Variants in LARGE1 observed in about 807,000 individuals in gnomAD.
The protein encoded by LARGE1 is LARGE xylosyl- and glucuronyltransferase 1, also known as xylosyl- and glucuronyltransferase LARGE1.
LARGE1 carries 43 observed loss-of-function variants against 87.6 expected under a neutral mutation model. That is an observed-to-expected ratio of 0.49 (90% CI 0.38 to 0.63). LARGE1 has a LOEUF of 0.63. LARGE1 is among the 30% of genes least tolerant of loss of function. The pLI, the probability that LARGE1 is intolerant of heterozygous loss-of-function variation, is 0.00. For missense variants in LARGE1, 802 were observed against 1,000.2 expected (o/e 0.80, Z 2.67); for synonymous variants, 434 against 394.6 (o/e 1.10, Z -1.18).
At chr22:33,297,176 T>C (rs1294575740) in intron 12 of LARGE1, among the ~76,000 whole-genome samples, 1 of 152,138 alleles carries the variant, frequency 6.6e-6, no homozygotes, top group African/African-American at 2.4e-5. Flanking sequence ...CAAGTATTTA[T>C]AGAACAGCCA....
At chr22:33,296,569 CTTTT>C (rs66851772) in intron 12 of LARGE1, among the ~76,000 whole-genome samples, 1 of 133,928 alleles carries the variant, frequency 7.5e-6, no homozygotes. Flanking sequence ...TTTTTCTTTT[CTTTT>C]TTTTTTTTTT....
intron 2 of LARGE1, among the ~76,000 whole-genome samples, chr22:33,703,439 T>G (rs1291273829): frequency 6.6e-6 from 1 of 152,006 alleles, no homozygotes; most frequent in African/African-American, 2.4e-5. Flanking sequence ...GATTACCTCC[T>G]GATAATTCCT....
downstream of LARGE1, among the ~76,000 whole-genome samples, chr22:33,270,206 C>T (rs186979759): frequency 3.3e-5 from 5 of 152,018 alleles, no homozygotes; most frequent in Admixed American, 6.5e-5. Context: ...ATGGTATATC[C>T]GACATTAGAT....
intron 4 of LARGE1, among the ~76,000 whole-genome samples, chr22:33,618,944 T>C (rs949944814): frequency 3.3e-5 from 5 of 152,202 alleles, no homozygotes; most frequent in Non-Finnish European, 7.3e-5. Flanking sequence ...TTAACCTCTT[T>C]TGCATAGTCA....
chr22:33,901,234 G>T (rs1325666824), intron 1 of LARGE1, among the ~76,000 whole-genome samples: 1 of 152,142 alleles, frequency 6.6e-6, no homozygotes, highest in Non-Finnish European at 1.5e-5. Flanking sequence ...GAGAGCCACT[G>T]GAGAGGGAGT....
intron 5 of LARGE1, among the ~76,000 whole-genome samples, chr22:33,576,429 G>C (rs2078354032): frequency 6.6e-6 from 1 of 152,170 alleles, no homozygotes; most frequent in African/African-American, 2.4e-5. Context: ...GGTCACAGCT[G>C]TCAGGGTGGT....
intron 1 of LARGE1, among the ~76,000 whole-genome samples, chr22:33,799,422 G>A (rs1241523884): frequency 6.6e-6 from 1 of 152,020 alleles, no homozygotes. Flanking sequence ...GGCTGTTTTT[G>A]TAAACATATA....
At chr22:33,131,813 C>A in the LARGE1 span, among the ~76,000 whole-genome samples, 16 of 148,640 alleles carry the variant, frequency 1.1e-4, no homozygotes, top group Non-Finnish European at 2.1e-4. Context: ...TGTATTAGTC[C>A]ATTTTCATGC....
chr22:33,317,687 G>C (rs894655807), intron 10 of LARGE1, among the ~76,000 whole-genome samples: 12 of 152,104 alleles, frequency 7.9e-5, no homozygotes, highest in Non-Finnish European at 1.2e-4. Context: ...CAACAGACAC[G>C]GTCTCATGTG....
At chr22:33,250,382 C>G (rs1926958491) in intron 11 of LARGE1, among the ~76,000 whole-genome samples, 1 of 152,186 alleles carries the variant, frequency 6.6e-6, no homozygotes, top group South Asian at 2.1e-4. Context: ...ATCCTGCAAC[C>G]TTGCTCTAAT....
intron 9 of LARGE1, among the ~76,000 whole-genome samples, chr22:33,340,524 C>T (rs900652768): frequency 6.6e-6 from 1 of 151,862 alleles, no homozygotes; most frequent in Non-Finnish European, 1.5e-5. Flanking sequence ...ATCATATTCT[C>T]AATGCTCCTT....
rs36002910 is a variant in LARGE1, at chr22:33,604,474, G to C, written c.576C>G (p.Pro192=). The C allele has an allele frequency of 6.2e-7, 1 of 1,614,042 alleles. No individual in the cohort carries two copies. The highest frequency in any genetic ancestry group is 1.3e-5 in the African/African-American group (1 of 75,024). The change falls in exon 5 of 15, where the codon CCC becomes CCG. Residue 192 remains proline (P), a synonymous_variant. Coordinates refer to ENST00000397394, the MANE Select transcript of LARGE1 (RefSeq NM_133642.5). Reference sequence around the variant, plus strand: ...CATTGTAGAAGTCCACACGCACAGCGGGCACCATCCAGGTCTGGAAGAGCG... The same window carrying C: ...CATTGTAGAAGTCCACACGCACAGCCGGCACCATCCAGGTCTGGAAGAGCG... ...LATLFQTWMV[P]AVRVDFYNAD...
intron 11 of LARGE1, among the ~76,000 whole-genome samples, chr22:33,232,413 A>T (rs1005786518): frequency 2.6e-5 from 4 of 152,134 alleles, no homozygotes; most frequent in African/African-American, 4.8e-5. Flanking sequence ...ATGGATGTGG[A>T]CTTGCTGGGA....
intron 11 of LARGE1, among the ~76,000 whole-genome samples, chr22:33,183,614 A>ACACATG (rs1923295733): frequency 1.1e-5 from 1 of 94,034 alleles, no homozygotes; most frequent in African/African-American, 3.8e-5. Context: ...ACACACACAC[A>ACACATG]CACACGCACA....
At chr22:33,619,148 C>T (rs1033614928) in intron 4 of LARGE1, among the ~76,000 whole-genome samples, 6 of 152,072 alleles carry the variant, frequency 3.9e-5, no homozygotes, top group Admixed American at 1.3e-4. Context: ...TTCCTGGTCA[C>T]GAGACAAGAA....
At chr22:33,903,662 T>G (rs898164915) in intron 1 of LARGE1, among the ~76,000 whole-genome samples, 1 of 151,984 alleles carries the variant, frequency 6.6e-6, no homozygotes, top group African/African-American at 2.4e-5. Flanking sequence ...CTGTCTCTAC[T>G]GAAAATACAA....
chr22:33,154,454 G>C, the LARGE1 span, among the ~76,000 whole-genome samples: 10 of 152,242 alleles, frequency 6.6e-5, no homozygotes, highest in Admixed American at 5.9e-4. Flanking sequence ...TGGCCAGGCT[G>C]GTCTCGAACT....
chr22:33,687,786 G>T (rs927645789), intron 2 of LARGE1, among the ~76,000 whole-genome samples: 1 of 152,190 alleles, frequency 6.6e-6, no homozygotes, highest in Non-Finnish European at 1.5e-5. Flanking sequence ...TGTTCACCAG[G>T]TAGGCCTGAT....
chr22:33,505,895 C>T (rs921925428), intron 6 of LARGE1, among the ~76,000 whole-genome samples: 2 of 152,142 alleles, frequency 1.3e-5, no homozygotes, highest in Non-Finnish European at 2.9e-5. Context: ...TCAGAATGTT[C>T]TATGTTCTGT....
Sources: allele counts gnomAD v4.1 joint callset (sites outside exome capture counted in the v4.1 genomes callset), GRCh38; gene constraint gnomAD v4.1.1; transcripts MANE v1.5; gene names NCBI Gene and HGNC (gene_info 2026-07-23, HGNC 2026-07-21).